Variants in UBE2E3 observed in about 807,000 individuals in gnomAD.
The protein encoded by UBE2E3 is ubiquitin conjugating enzyme E2 E3.
UBE2E3 carries 5 observed loss-of-function variants against 23.6 expected under a neutral mutation model. That is an observed-to-expected ratio of 0.21 (90% CI 0.11 to 0.44). The LOEUF (loss-of-function observed/expected upper bound fraction) is 0.44, where lower values mean the gene tolerates loss of function less well. UBE2E3 is among the 20% of genes least tolerant of loss of function. The probability of loss-of-function intolerance (pLI) is 0.99; values close to 1 mark genes in which losing one functional copy is unlikely to be tolerated. For missense variants in UBE2E3, 81 were observed against 249.8 expected, an observed-to-expected ratio of 0.32 and a Z score of 4.55; for synonymous variants, 78 against 87.5, an observed-to-expected ratio of 0.89 and a Z score of 0.60.
intron 3 of UBE2E3, among the ~76,000 whole-genome samples, chr2:181,016,158 C>T (rs1039914425): frequency 6.6e-6 from 1 of 151,898 alleles, no homozygotes; most frequent in Admixed American, 6.6e-5. Flanking sequence ...GAATTTTAAC[C>T]CTGAATCTGC....
chr2:181,059,096 G>T (rs1687062029), intron 4 of UBE2E3, among the ~76,000 whole-genome samples: 1 of 151,636 alleles, frequency 6.6e-6, no homozygotes, highest in Non-Finnish European at 1.5e-5. Context: ...TAGCATGTTG[G>T]TTTTTTGCTG....
chr2:181,007,784 G>A (rs1434723771), intron 3 of UBE2E3, among the ~76,000 whole-genome samples: 4 of 152,180 alleles, frequency 2.6e-5, no homozygotes, highest in African/African-American at 9.7e-5. Flanking sequence ...CACAATGGTA[G>A]AAGGGCTTGA....
chr2:181,036,297 C>A (rs1472102730), intron 3 of UBE2E3, among the ~76,000 whole-genome samples: 1 of 152,118 alleles, frequency 6.6e-6, no homozygotes, highest in Non-Finnish European at 1.5e-5. Flanking sequence ...GCAGAAATGC[C>A]AAGGTAATTC....
At chr2:180,986,387 G>T (rs752155190) in intron 3 of UBE2E3, among the ~76,000 whole-genome samples, 1 of 152,104 alleles carries the variant, frequency 6.6e-6, no homozygotes, top group Non-Finnish European at 1.5e-5. Context: ...GGTGGAAGAA[G>T]ACCTAGTTTT....
chr2:181,011,761 A>G (rs186569097), intron 3 of UBE2E3, among the ~76,000 whole-genome samples: 1 of 152,220 alleles, frequency 6.6e-6, no homozygotes, highest in Non-Finnish European at 1.5e-5. Context: ...GGATCATACC[A>G]TTATTTGTTG....
intron 3 of UBE2E3, among the ~76,000 whole-genome samples, chr2:181,029,659 C>CTTTTTTTTTTTTTTTTTTTTATTTT (rs1686011384): frequency 8.6e-6 from 1 of 116,854 alleles, no homozygotes; most frequent in Non-Finnish European, 1.7e-5. Flanking sequence ...TGTAGACAAT[C>CTTTTTTTTTTTTTTTTTTTTATTTT]TTTTTTTTTT....
At chr2:181,059,921 A>G (rs565567618) in intron 4 of UBE2E3, among the ~76,000 whole-genome samples, 2 of 151,572 alleles carry the variant, frequency 1.3e-5, no homozygotes, top group African/African-American at 4.8e-5. Flanking sequence ...TTTTCTCGGC[A>G]ACTCCAATTA....
chr2:181,034,603 C>G (rs1686206637), intron 3 of UBE2E3, among the ~76,000 whole-genome samples: 2 of 152,124 alleles, frequency 1.3e-5, no homozygotes, highest in Admixed American at 6.5e-5. Flanking sequence ...GTGCAGCACA[C>G]CAACATGGCA....
At chr2:181,015,883 G>A (rs1360449893) in intron 3 of UBE2E3, among the ~76,000 whole-genome samples, 1 of 151,996 alleles carries the variant, frequency 6.6e-6, no homozygotes, top group East Asian at 1.9e-4. Context: ...TAACTATGCT[G>A]CAAGTGCCCA....
At chr2:181,036,478 C>T (rs1475114242) in intron 3 of UBE2E3, among the ~76,000 whole-genome samples, 3 of 152,198 alleles carry the variant, frequency 2.0e-5, no homozygotes, top group Admixed American at 6.5e-5. Context: ...CATCTTCTCC[C>T]GTGTCTGTGT....
chr2:180,989,176 C>G (rs1009581488), intron 3 of UBE2E3, among the ~76,000 whole-genome samples: 1 of 151,988 alleles, frequency 6.6e-6, no homozygotes, highest in Non-Finnish European at 1.5e-5. Context: ...AGCAAATTGA[C>G]GTTTTATTTT....
At chr2:181,041,387 T>G (rs934201459) in intron 3 of UBE2E3, among the ~76,000 whole-genome samples, 2 of 151,970 alleles carry the variant, frequency 1.3e-5, no homozygotes, top group Admixed American at 1.3e-4. Flanking sequence ...TCAGTATAGA[T>G]CTATTTTAAT....
intron 3 of UBE2E3, among the ~76,000 whole-genome samples, chr2:181,009,725 C>T (rs1685260610): frequency 6.6e-6 from 1 of 152,080 alleles, no homozygotes; most frequent in East Asian, 1.9e-4. Flanking sequence ...GTGACAATTT[C>T]TTCTGACTCC....
intron 3 of UBE2E3, among the ~76,000 whole-genome samples, chr2:181,028,034 G>A (rs1172783759): frequency 6.6e-6 from 1 of 152,054 alleles, no homozygotes; most frequent in Non-Finnish European, 1.5e-5. Flanking sequence ...TCACCCAGAT[G>A]TGATCATTAT....
chr2:181,041,132 C>T (rs990724945), intron 3 of UBE2E3, among the ~76,000 whole-genome samples: 1 of 146,836 alleles, frequency 6.8e-6, no homozygotes, highest in Non-Finnish European at 1.5e-5. Context: ...CCTGTAGTCC[C>T]AGCTACTTGG....
In UBE2E3 at chr2:181,019,246, C is replaced by T. The variant is rs182201222; in HGVS notation, c.245+35153C>T. The stretch of plus-strand genomic sequence containing the variant: ...AAATGCTGGGATTACAGGTGTGAAC[C>T]GCCGCACCCGGCCTAGCTCTAAAAT... On this transcript the variant is annotated intron_variant, in intron 3 of 5. Coordinates refer to ENST00000410062, the MANE Select transcript of UBE2E3 (RefSeq NM_006357.4). Among the ~76,000 whole-genome samples the T allele has an allele frequency of 3.3e-3, 502 of 152,306 alleles. 1 individual carries two copies. The highest frequency in any genetic ancestry group is 0.014 in the Middle Eastern group (4 of 294).
chr2:181,010,930 TAGTG>T (rs2105607582), intron 3 of UBE2E3, among the ~76,000 whole-genome samples: 1 of 152,240 alleles, frequency 6.6e-6, no homozygotes, highest in Admixed American at 6.5e-5. Context: ...ATTTCTTTAC[TAGTG>T]AGTGTCTTGA....
At chr2:181,015,578 A>G (rs1034823666) in intron 3 of UBE2E3, among the ~76,000 whole-genome samples, 4 of 152,210 alleles carry the variant, frequency 2.6e-5, no homozygotes, top group African/African-American at 7.2e-5. Context: ...GGAAAAATGA[A>G]CAGTTTTCAT....
At chr2:181,051,688 G>A (rs115148747) in intron 3 of UBE2E3, among the ~76,000 whole-genome samples, 5,960 of 151,844 alleles carry the variant, frequency 0.039, 221 homozygotes, top group African/African-American at 0.094. Flanking sequence ...TCAATATTAT[G>A]CATTTTAAGT....
Sources: gnomAD v4.1 joint callset for allele counts (sites outside exome capture counted in the v4.1 genomes callset) on GRCh38, gnomAD v4.1.1 for gene constraint, MANE v1.5 for transcripts, NCBI Gene and HGNC (gene_info 2026-07-23, HGNC 2026-07-21) for gene names.